Variants in RC3H2 observed in about 807,000 individuals in gnomAD.
The protein encoded by RC3H2 is roquin-2.
In RC3H2, 31 loss-of-function variants were observed where a neutral mutation model predicts 133.3. The ratio of observed to expected loss-of-function variants is 0.23; its 90% CI spans 0.17 to 0.31. The LOEUF is 0.31. RC3H2 is among the 10% of genes least tolerant of loss of function. The pLI, the probability that RC3H2 is intolerant of heterozygous loss-of-function variation, is 1.00. For synonymous variants in RC3H2, 517 were observed against 502.2 expected, an observed-to-expected ratio of 1.03 and a Z score of -0.40; for missense variants, 1,175 against 1,437.2, an observed-to-expected ratio of 0.82 and a Z score of 2.95.
chr9:122,901,329 AATGATATTTAAAG>A (rs1832639156), intron 1 of RC3H2, among the ~76,000 whole-genome samples: 1 of 152,222 alleles, frequency 6.6e-6, no homozygotes, highest in African/African-American at 2.4e-5. Flanking sequence ...GTTCTTAAAA[AATGATATTTAAAG>A]CATAAGCACA....
intron 8 of RC3H2, among the ~76,000 whole-genome samples, chr9:122,879,413 T>G (rs1410442928): frequency 6.6e-6 from 1 of 151,330 alleles, no homozygotes; most frequent in South Asian, 2.1e-4. Flanking sequence ...GAAAGAAAAT[T>G]CAAATTCCAT....
intron 1 of RC3H2, among the ~76,000 whole-genome samples, chr9:122,899,665 C>T (rs897518805): frequency 6.6e-6 from 1 of 152,218 alleles, no homozygotes; most frequent in African/African-American, 2.4e-5. Context: ...GAATATATCA[C>T]TCCCTAAAAC....
chr9:122,898,869 A>G (rs539332821), intron 1 of RC3H2, among the ~76,000 whole-genome samples: 14 of 152,090 alleles, frequency 9.2e-5, no homozygotes, highest in Non-Finnish European at 1.9e-4. Context: ...AAGACTTAAC[A>G]TAAGTCTGAC....
At chr9:122,868,284 T>C (rs971301450) in intron 9 of RC3H2, among the ~76,000 whole-genome samples, 4 of 152,052 alleles carry the variant, frequency 2.6e-5, no homozygotes, top group Non-Finnish European at 4.4e-5. Flanking sequence ...ACAATTGCGG[T>C]TTTGTGGAAT....
intron 13 of RC3H2, 51 bp downstream of exon 13, chr9:122,857,872 T>A (rs372146850): frequency 7.4e-5 from 111 of 1,496,850 alleles, no homozygotes; most frequent in Non-Finnish European, 1.0e-4. Flanking sequence ...TAATTTGAAG[T>A]CAGCTGTTTG....
intron 9 of RC3H2, among the ~76,000 whole-genome samples, chr9:122,866,976 A>G (rs1172778185): frequency 1.6e-5 from 2 of 125,506 alleles, no homozygotes; most frequent in Non-Finnish European, 3.4e-5. Context: ...CTGCCCGGCC[A>G]CCCATTGTCT....
intron 12 of RC3H2, 125 bp from the exon 13 acceptor site, chr9:122,858,218 C>G (rs1265509155): frequency 1.2e-6 from 1 of 831,850 alleles, no homozygotes; most frequent in Non-Finnish European, 1.9e-6. Flanking sequence ...GGAAAGTCAC[C>G]CTAGTCTATT....
chr9:122,849,903 G>A, intron 20 of RC3H2, 81 bp from the exon 21 acceptor site: 1 of 969,872 alleles, frequency 1.0e-6, no homozygotes, highest in Non-Finnish European at 1.4e-6. Flanking sequence ...TTTAATGAAA[G>A]CTACAGCAAA....
At chr9:122,856,164 T>C (rs1218759124) in intron 13 of RC3H2, among the ~76,000 whole-genome samples, 1 of 151,988 alleles carries the variant, frequency 6.6e-6, no homozygotes, top group African/African-American at 2.4e-5. Flanking sequence ...TAACATGGTA[T>C]GGGGTGCACC....
chr9:122,857,772 T>C, intron 13 of RC3H2, 151 bp downstream of exon 13: 2 of 619,662 alleles, frequency 3.2e-6, no homozygotes, highest in Non-Finnish European at 5.6e-6. Context: ...CTAGCCGTAG[T>C]GCATTTATAT....
intron 8 of RC3H2, among the ~76,000 whole-genome samples, chr9:122,878,446 ATT>A (rs1210252018): frequency 1.3e-5 from 2 of 151,726 alleles, no homozygotes; most frequent in African/African-American, 4.8e-5. Context: ...AATTTTTTGT[ATT>A]TTTAGTAGAG....
At chr9:122,878,061 G>A (rs1831415622) in intron 8 of RC3H2, among the ~76,000 whole-genome samples, 1 of 152,068 alleles carries the variant, frequency 6.6e-6, no homozygotes, top group African/African-American at 2.4e-5. Flanking sequence ...TAAACTATTT[G>A]AGTTCATACA....
intron 4 of RC3H2, among the ~76,000 whole-genome samples, chr9:122,888,820 C>A (rs1205076752): frequency 1.3e-5 from 2 of 152,170 alleles, no homozygotes; most frequent in East Asian, 3.8e-4. Flanking sequence ...TCTGTTGTCT[C>A]TTTGGGATAG....
At position 122,848,364 on chromosome 9, in the gene RC3H2, G is replaced by A. The variant is rs1193001669; in HGVS notation, c.*1263C>T. 6.6e-6 allele frequency: 1 copy of A among 152,138 alleles called. No homozygotes were observed. The highest frequency in any genetic ancestry group is 1.5e-5 in the Non-Finnish European group (1 of 67,984). 9.4% of individuals were successfully genotyped at this position (152,138 alleles called of 1,614,324 possible). On this transcript the variant is annotated 3_prime_UTR_variant, in exon 21 of 21. Coordinates refer to ENST00000357244, the MANE Select transcript of RC3H2 (RefSeq NM_001100588.3). ...CAGCTCTTCTTTTCAAATGTTGACT[G>A]AAATTTAGGTTTCAGTACAATACCT...
rs764950140 is a variant in RC3H2 at position 122,860,070 on chromosome 9, A to T, written c.1696T>A (p.Ser566Thr). The change falls in exon 11 of 21, where the codon TCT (serine) becomes ACT (threonine). Residue 566 changes from serine to threonine, a missense_variant. Coordinates refer to ENST00000357244, the MANE Select transcript of RC3H2 (RefSeq NM_001100588.3). ...SNVAATSAGPSNVGTELNSVP... is the reference protein window; with the variant it reads ...SNVAATSAGPTNVGTELNSVP... The stretch of plus-strand genomic sequence containing the variant: ...GAATTCAGCTCTGTTCCAACATTAG[A>T]GGGCCCAGCTGAGGTAGCTGCTACA... The T allele has an allele frequency of 6.2e-7, 1 of 1,614,040 alleles. No homozygotes were observed. The highest frequency in any genetic ancestry group is 1.3e-5 in the African/African-American group (1 of 74,914).
At chr9:122,874,885 G>A (rs931712178) in intron 9 of RC3H2, 2 of 288,360 alleles carry the variant, frequency 6.9e-6, no homozygotes, top group Non-Finnish European at 1.3e-5. Context: ...TCTGAACTAG[G>A]TACTGCAGAT....
intron 2 of RC3H2, among the ~76,000 whole-genome samples, chr9:122,896,182 T>A (rs950881942): frequency 6.6e-6 from 1 of 151,636 alleles, no homozygotes; most frequent in Admixed American, 6.6e-5. Flanking sequence ...TGTCCTGGGC[T>A]GCATGTGGCC....
At chr9:122,902,583 GCCTGTAATCC>G (rs546259024) in intron 1 of RC3H2, among the ~76,000 whole-genome samples, 273 of 152,248 alleles carry the variant, frequency 1.8e-3, no homozygotes, top group African/African-American at 5.8e-3. Flanking sequence ...GGTGGCTCAC[GCCTGTAATCC>G]CAGCACTTTG....
chr9:122,884,554 A>C (rs1284819980), intron 4 of RC3H2, among the ~76,000 whole-genome samples: 1 of 152,096 alleles, frequency 6.6e-6, no homozygotes, highest in Non-Finnish European at 1.5e-5. Context: ...ACAAACCTAA[A>C]TTAAGAAATA....
Sources: allele counts gnomAD v4.1 joint callset (sites outside exome capture counted in the v4.1 genomes callset), GRCh38; gene constraint gnomAD v4.1.1; transcripts MANE v1.5; gene names NCBI Gene and HGNC (gene_info 2026-07-23, HGNC 2026-07-21).